PROM1: variants seen among roughly 807,000 people sequenced by gnomAD.
PROM1 encodes prominin-1.
In PROM1, 105 loss-of-function variants were observed where a neutral mutation model predicts 116.9. The ratio of observed to expected loss-of-function variants is 0.90; its 90% CI spans 0.77 to 1.06. The LOEUF (loss-of-function observed/expected upper bound fraction) is 1.06. Among genes scored for constraint, PROM1 ranks in the 50% least tolerant of loss-of-function variants. PROM1 has a pLI of 0.00. For synonymous variants in PROM1, 393 were observed against 387.0 expected (o/e 1.02, Z -0.18); for missense variants, 1,122 against 1,045.2 (o/e 1.07, Z -1.01).
chr4:16,062,145 C>T (rs991049546), intron 2 of PROM1, among the ~76,000 whole-genome samples: 1 of 152,118 alleles, frequency 6.6e-6, no homozygotes. Flanking sequence ...CCCGCCTCGG[C>T]ACCCCAAAGT....
chr4:16,000,439 G>T, intron 14 of PROM1, 57 bp downstream of exon 14: 10 of 1,453,940 alleles, frequency 6.9e-6, no homozygotes, highest in Non-Finnish European at 8.5e-6. Flanking sequence ...CACAATATAT[G>T]AAGAAATCCA....
intron 10 of PROM1, among the ~76,000 whole-genome samples, chr4:16,013,948 A>G (rs980891470): frequency 2.7e-4 from 2 of 7,518 alleles, no homozygotes; most frequent in Non-Finnish European, 4.7e-4. Flanking sequence ...GTCTAAACGA[A>G]AAAAAAAAAT....
intron 11 of PROM1, among the ~76,000 whole-genome samples, chr4:16,009,998 AC>A (rs200035361): frequency 1.3e-5 from 2 of 152,014 alleles, no homozygotes; most frequent in African/African-American, 4.8e-5. Flanking sequence ...CATTTAAAAA[AC>A]AAACAAACAA....
chr4:15,979,384 C>T lies in PROM1; in HGVS notation c.2582+11G>A. 1.2e-6 allele frequency: 2 copies of T among 1,613,760 alleles called. No homozygotes were observed. Among genetic ancestry groups the T allele is most frequent in the South Asian group, 2.2e-5 (2 of 91,060 alleles). ...CATAGGGCGGGCATGCACTTCCAGA[C>T]TTTGCTTTACCTTGTCATAACAGGA... On this transcript the variant is annotated intron_variant, in intron 26 of 27. Transcript: ENST00000447510.
At chr4:16,028,190 A>G (rs983216066) in intron 5 of PROM1, among the ~76,000 whole-genome samples, 1 of 152,210 alleles carries the variant, frequency 6.6e-6, no homozygotes, top group Non-Finnish European at 1.5e-5. Context: ...AAGTATAATT[A>G]TAGAGTAGAA....
intron 2 of PROM1, among the ~76,000 whole-genome samples, chr4:16,074,321 G>C (rs1012783319): frequency 6.6e-5 from 10 of 152,052 alleles, no homozygotes; most frequent in Admixed American, 5.9e-4. Flanking sequence ...AATATCTCTT[G>C]TACCCCGTGA....
At position 15,973,892 on chromosome 4, in the gene PROM1, G is replaced by A. The variant is rs541383775; in HGVS notation, c.2583-2810C>T. 1.1e-4 allele frequency among the ~76,000 whole-genome samples: 16 copies of A among 152,206 alleles called. No individual in the cohort carries two copies. In the East Asian group the frequency reaches 1.9e-3, roughly 18 times the overall value. ...AAAAGACAGACAACAAGGCGGTGAC[G>A]ACAGCCATAGAGGGCCGATGTGGGG... On this transcript the variant is annotated intron_variant, in intron 26 of 27. Coordinates refer to ENST00000447510, the MANE Select transcript of PROM1 (RefSeq NM_006017.3).
At chr4:16,006,749 A>T (rs1725606377) in intron 12 of PROM1, 59 bp from the exon 13 acceptor site, 1 of 1,546,390 alleles carries the variant, frequency 6.5e-7, no homozygotes, top group African/African-American at 1.4e-5. Flanking sequence ...CCTAACACAA[A>T]AGCTGCTGGA....
At chr4:16,035,216 C>T (rs1389064135) in intron 4 of PROM1, among the ~76,000 whole-genome samples, 1 of 152,220 alleles carries the variant, frequency 6.6e-6, no homozygotes, top group Admixed American at 6.5e-5. Flanking sequence ...CCAGCCCAGA[C>T]ATTCCAAACT....
At chr4:16,013,236 C>T in intron 11 of PROM1, 39 bp downstream of exon 11, 1 of 1,523,116 alleles carries the variant, frequency 6.6e-7, no homozygotes, top group Non-Finnish European at 9.1e-7. Flanking sequence ...TCTGTACTGA[C>T]CTACCAATCA....
intron 12 of PROM1, among the ~76,000 whole-genome samples, chr4:16,008,739 A>G (rs1400019429): frequency 1.3e-5 from 2 of 152,236 alleles, no homozygotes; most frequent in Non-Finnish European, 2.9e-5. Context: ...CGAACCTTCT[A>G]TGCATTGTTC....
At position 16,025,319 on chromosome 4, in the gene PROM1, G is replaced by T. The variant is rs1311897696; in HGVS notation, c.510-7C>A. ...ACCATAGAAGATGCCAATGCTGCAG[G>T]AAAAGGCAGAGAGAAGAAAGAGCAT... On this transcript the variant is annotated splice_polypyrimidine_tract_variant and splice_region_variant and intron_variant, in intron 5 of 27. Transcript: ENST00000447510. 1 of 1,613,378 alleles carries T rather than the reference G, an allele frequency of 6.2e-7. No individual in the cohort carries two copies. Among genetic ancestry groups the T allele is most frequent in the African/African-American group, 1.3e-5 (1 of 74,908 alleles).
Position 16,005,633 on chromosome 4 carries a change from C to T in PROM1, c.1454+905G>A, listed in dbSNP as rs186323933. 6.5e-3 allele frequency among the ~76,000 whole-genome samples: 989 copies of T among 152,106 alleles called. 4 individuals carry two copies. Among genetic ancestry groups the T allele is most frequent in the Non-Finnish European group, 0.01 (707 of 68,014 alleles). ...TCTCCAGCCCGCTCACTCACAGCCC[C>T]GTGCTAGTGACTTAAGTGGATAAAT... On this transcript the variant is annotated intron_variant, in intron 13 of 27. Transcript: ENST00000447510.
intron 8 of PROM1, among the ~76,000 whole-genome samples, chr4:16,020,385 C>G (rs1250700789): frequency 1.3e-5 from 2 of 152,270 alleles, no homozygotes; most frequent in African/African-American, 4.8e-5. Context: ...TCATCTCTCC[C>G]ACCTATCATC....
chr4:16,004,497 G>A lies in PROM1; in HGVS notation c.1454+2041C>T, dbSNP rs112500330. Among the ~76,000 whole-genome samples the A allele has an allele frequency of 6.6e-3, 997 of 151,988 alleles. 2 individuals are homozygous for A. Among genetic ancestry groups the A allele is most frequent in the Non-Finnish European group, 9.4e-3 (638 of 67,990 alleles). On this transcript the variant is annotated intron_variant, in intron 13 of 27. Transcript: ENST00000447510. ...GATGAGGGGTGCACCATTTTTCAGAGCAATTTACCCTACCTTTCAAGTAGT... is the reference window on the plus strand; with the variant it reads ...GATGAGGGGTGCACCATTTTTCAGAACAATTTACCCTACCTTTCAAGTAGT...
At chr4:16,069,376 G>T (rs1160232937) in intron 2 of PROM1, among the ~76,000 whole-genome samples, 2 of 152,222 alleles carry the variant, frequency 1.3e-5, no homozygotes, top group Non-Finnish European at 2.9e-5. Flanking sequence ...CTTATGCCAA[G>T]TTCATCACGG....
In PROM1 at chr4:16,000,259, C is replaced by T. The variant is rs201512828; in HGVS notation, c.1578+237G>A. 7.9e-5 allele frequency among the ~76,000 whole-genome samples: 12 copies of T among 152,250 alleles called. No homozygotes were observed. In the East Asian group the frequency reaches 1.4e-3, roughly 17 times the overall value. Reference sequence around the variant, plus strand: ...GGACTTTAACTCCTGACCCTGATTTCGCTTATGATCAGAAAATAAGGACGC... The same window carrying T: ...GGACTTTAACTCCTGACCCTGATTTTGCTTATGATCAGAAAATAAGGACGC... On this transcript the variant is annotated intron_variant, in intron 14 of 27. Transcript: ENST00000447510.
chr4:16,025,193 T>C lies in PROM1; in HGVS notation c.629A>G (p.Glu210Gly). 1 of 1,613,698 alleles carries C rather than the reference T, an allele frequency of 6.2e-7. No individual in the cohort carries two copies. The highest frequency in any genetic ancestry group is 8.5e-7 in the Non-Finnish European group (1 of 1,179,626). Reference protein sequence around the residue: ...DLRTLLNETPEQIKYILAQYN... With the variant: ...DLRTLLNETPGQIKYILAQYN... Reference sequence around the variant, plus strand: ...GTACATAGAGATGATGGTTTTTACCTCTGGAGTTTCATTCAAGAGAGTTCG... The same window carrying C: ...GTACATAGAGATGATGGTTTTTACCCCTGGAGTTTCATTCAAGAGAGTTCG... Residue 210 changes from glutamate (E) to glycine (G), a missense_variant and splice_region_variant, in exon 6 of 28, where the codon GAG becomes GGG. By Grantham distance (98) the Glu-to-Gly change is moderately conservative (BLOSUM62 -2). Coordinates refer to ENST00000447510, the MANE Select transcript of PROM1 (RefSeq NM_006017.3).
intron 10 of PROM1, among the ~76,000 whole-genome samples, chr4:16,013,679 A>C (rs1727511444): frequency 6.6e-6 from 1 of 152,156 alleles, no homozygotes; most frequent in South Asian, 2.1e-4. Flanking sequence ...GTTCTCAACT[A>C]GGGTATGTTT....
Sources: gnomAD v4.1 joint callset for allele counts (sites outside exome capture counted in the v4.1 genomes callset) on GRCh38, gnomAD v4.1.1 for gene constraint, MANE v1.5 for transcripts, NCBI Gene and HGNC (gene_info 2026-07-23, HGNC 2026-07-21) for gene names.